Variants in USP36 observed in about 807,000 individuals in gnomAD.
The protein encoded by USP36 is ubiquitin specific peptidase 36.
USP36 carries 59 observed loss-of-function variants against 111.5 expected under a neutral mutation model. The observed-to-expected ratio is 0.53, with a 90% CI of 0.43 to 0.66. The LOEUF is 0.66. Ranked by LOEUF, USP36 falls within the 30% of genes least tolerant of loss-of-function variation. The pLI, the probability that USP36 is intolerant of heterozygous loss-of-function variation, is 0.00. For synonymous variants in USP36, 628 were observed against 581.0 expected (o/e 1.08, Z -1.16); for missense variants, 1,488 against 1,468.0 (o/e 1.01, Z -0.22).
chr17:78,823,647 C>T (rs1186767609), intron 6 of USP36, among the ~76,000 whole-genome samples: 2 of 152,050 alleles, frequency 1.3e-5, no homozygotes, highest in Admixed American at 6.6e-5. Flanking sequence ...CTCACAGGCA[C>T]GCAGCTGGAG....
intron 10 of USP36, 150 bp downstream of exon 10, chr17:78,818,517 C>T: frequency 1.5e-6 from 1 of 655,808 alleles, no homozygotes. Context: ...AACTACAGTC[C>T]CTACTTCACA....
rs771271368 is a variant in USP36 at position 78,829,016 on chromosome 17, G to A, written c.476-9C>T. On this transcript the variant is annotated splice_polypyrimidine_tract_variant and intron_variant, in intron 4 of 20. Coordinates refer to ENST00000449938, the MANE Select transcript of USP36 (RefSeq NM_001385174.1). Reference sequence around the variant, plus strand: ...GAAGCTTCCCTGGTGGCCTGCCGGCGTGGAAGGAGGAGCAATTTTAAGACA... The same window carrying A: ...GAAGCTTCCCTGGTGGCCTGCCGGCATGGAAGGAGGAGCAATTTTAAGACA... The A allele has an allele frequency of 2.7e-5, 43 of 1,610,700 alleles. No individual in the cohort carries two copies. Among genetic ancestry groups the A allele is most frequent in the Non-Finnish European group, 3.2e-5 (38 of 1,178,390 alleles).
At chr17:78,793,512 C>T (rs1000562103), downstream of USP36, among the ~76,000 whole-genome samples, 1 of 152,164 alleles carries the variant, frequency 6.6e-6, no homozygotes, top group Non-Finnish European at 1.5e-5. Context: ...GCGGGATCTG[C>T]ACGAAGCAGC....
chr17:78,792,886 T>C (rs563564436), downstream of USP36, among the ~76,000 whole-genome samples: 2 of 152,226 alleles, frequency 1.3e-5, no homozygotes, highest in South Asian at 4.1e-4. Context: ...CAGCTAATTT[T>C]TGTATTTTTA....
At chr17:78,830,176 T>C (rs1327458436) in intron 4 of USP36, among the ~76,000 whole-genome samples, 1 of 152,248 alleles carries the variant, frequency 6.6e-6, no homozygotes, top group Non-Finnish European at 1.5e-5. Flanking sequence ...AATTAGGCAA[T>C]TATCGTTCTC....
At chr17:78,813,110 A>C (rs577199598) in intron 12 of USP36, 109 bp from the exon 13 acceptor site, 423 of 1,400,282 alleles carry the variant, frequency 3.0e-4, no homozygotes, top group Admixed American at 3.8e-4. Context: ...GCCTGGGGAA[A>C]CCCTGCCAGT....
In USP36 at chr17:78,823,925, T is replaced by G. The variant is rs181144208; in HGVS notation, c.690-1921A>C. 2.9e-3 allele frequency among the ~76,000 whole-genome samples: 435 copies of G among 152,128 alleles called. 1 individual carries two copies. Among genetic ancestry groups the G allele is most frequent in the Non-Finnish European group, 4.8e-3 (328 of 68,004 alleles). On this transcript the variant is annotated intron_variant, in intron 6 of 20. Coordinates refer to ENST00000449938, the MANE Select transcript of USP36 (RefSeq NM_001385174.1). The stretch of plus-strand genomic sequence containing the variant: ...ACAAGATAAATGAAAGCAGGCCCAG[T>G]CTATGCAAAGTGCTTCAAGCACAAA...
At chr17:78,808,111 C>T (rs570857382) in intron 13 of USP36, among the ~76,000 whole-genome samples, 22 of 152,212 alleles carry the variant, frequency 1.4e-4, no homozygotes, top group Non-Finnish European at 2.9e-4. Flanking sequence ...GTTCCATCAC[C>T]TAAACATAAC....
intron 10 of USP36, among the ~76,000 whole-genome samples, chr17:78,817,651 G>A (rs928039596): frequency 6.6e-6 from 1 of 151,838 alleles, no homozygotes; most frequent in African/African-American, 2.4e-5. Flanking sequence ...CTACTCTGGA[G>A]GCTGATGCAG....
chr17:78,798,895 T>A lies in USP36; in HGVS notation c.3240+13A>T, dbSNP rs761094465. The A allele has an allele frequency of 1.2e-6, 2 of 1,613,838 alleles. No individual in the cohort carries two copies. The highest frequency in any genetic ancestry group is 2.2e-5 in the South Asian group (2 of 91,082). On this transcript the variant is annotated intron_variant, in intron 19 of 20. Coordinates refer to ENST00000449938, the MANE Select transcript of USP36 (RefSeq NM_001385174.1). This position sits in a 1 kb window ranked among gnomAD's most constrained non-coding sequence, Gnocchi z 5.1. ...TGCTCCCTCAAGCCTGTGGTCAGCA[T>A]CACACATCATACCTTCCCTCGGTCA...
chr17:78,792,713 G>T (rs1250764008), downstream of USP36, among the ~76,000 whole-genome samples: 1 of 151,766 alleles, frequency 6.6e-6, no homozygotes, highest in Non-Finnish European at 1.5e-5. Context: ...CCCCGGGAAG[G>T]TTTTTTTTGT....
chr17:78,835,779 C>A (rs979758558), intron 3 of USP36, among the ~76,000 whole-genome samples: 2 of 152,180 alleles, frequency 1.3e-5, no homozygotes, highest in African/African-American at 4.8e-5. Flanking sequence ...AGGAGCCAGG[C>A]CTGGCACTCT....
chr17:78,832,407 G>A (rs906070008), intron 4 of USP36, among the ~76,000 whole-genome samples: 2 of 152,176 alleles, frequency 1.3e-5, no homozygotes, highest in East Asian at 3.8e-4. Flanking sequence ...AGGCCACAAC[G>A]TCTCTTCATA....
At chr17:78,802,036 T>C (rs1230515800) in intron 17 of USP36, among the ~76,000 whole-genome samples, 1 of 152,114 alleles carries the variant, frequency 6.6e-6, no homozygotes, top group African/African-American at 2.4e-5. Flanking sequence ...CAGTAGACGC[T>C]GCTCTCAGCC....
At chr17:78,807,849 G>A (rs181127788) in intron 13 of USP36, among the ~76,000 whole-genome samples, 8 of 152,110 alleles carry the variant, frequency 5.3e-5, no homozygotes, top group Non-Finnish European at 8.8e-5. Flanking sequence ...GACCACAGCC[G>A]TGTACCACCA....
chr17:78,798,129 C>A lies in USP36; in HGVS notation c.*21-250G>T, dbSNP rs2093657627. 2.2e-6 allele frequency: 1 copy of A among 450,800 alleles called. No homozygotes were observed. Among genetic ancestry groups the A allele is most frequent in the Admixed American group, 3.5e-5 (1 of 28,778 alleles). The allele number at this position is 450,800 out of a possible 1,614,324, so 27.9% of individuals were successfully genotyped here. On this transcript the variant is annotated intron_variant, in intron 20 of 20. Coordinates refer to ENST00000449938, the MANE Select transcript of USP36 (RefSeq NM_001385174.1). The surrounding 1 kb of genome is among the most constrained non-coding windows in gnomAD (Gnocchi z 5.1). ...TGCCACAGATGCCAGGTGTACACACCCCACACCCAACACACACTACACACA... is the reference window on the plus strand; with the variant it reads ...TGCCACAGATGCCAGGTGTACACACACCACACCCAACACACACTACACACA...
chr17:78,821,397 TATATATATATATATA>T (rs2094317701), intron 7 of USP36: 1 of 48,604 alleles, frequency 2.1e-5, no homozygotes, highest in African/African-American at 1.0e-4. Flanking sequence ...AATATATATA[TATATATATATATATA>T]TATATATATT....
At chr17:78,789,263 A>G (rs1359780966) in intron 3 of USP36, among the ~76,000 whole-genome samples, 3 of 151,380 alleles carry the variant, frequency 2.0e-5, no homozygotes, top group Non-Finnish European at 4.4e-5. Context: ...CACTTGCCCA[A>G]TCACTGTGTG....
In USP36 at chr17:78,807,021, T is replaced by C. The variant is rs1371126490; in HGVS notation, c.2023A>G (p.Thr675Ala). The C allele has an allele frequency of 1.9e-6, 3 of 1,614,118 alleles. No homozygotes were observed. Among genetic ancestry groups the C allele is most frequent in the South Asian group, 1.1e-5 (1 of 91,084 alleles). The change falls in exon 14 of 21, where the codon ACT becomes GCT. Residue 675 changes from threonine to alanine, a missense_variant. Thr to Ala is a moderately conservative substitution (Grantham distance 58, BLOSUM62 0). Around this residue, in one of 3 missense-constraint regions of USP36, gnomAD observed 1,073 missense variants for 994.1 expected, o/e 1.08. Coordinates refer to ENST00000449938, the MANE Select transcript of USP36 (RefSeq NM_001385174.1). ...LKSPVLSNTT[T>A]EPASTMSPPP... ...GGAGACATGGTGCTTGCAGGCTCAG[T>C]GGTGGTGTTGCTCAGGACAGGGGAC... is the stretch of plus-strand genomic sequence containing the variant.
Sources: allele counts gnomAD v4.1 joint callset (sites outside exome capture counted in the v4.1 genomes callset), GRCh38; gene constraint gnomAD v4.1.1; regional missense constraint gnomAD v4.1.1; non-coding constraint Gnocchi (gnomAD v3.1); transcripts MANE v1.5; gene names NCBI Gene and HGNC (gene_info 2026-07-23, HGNC 2026-07-21).